Variants in ICA1L observed in about 807,000 individuals in gnomAD.
The protein encoded by ICA1L is islet cell autoantigen 1-like protein.
ICA1L carries 50 observed loss-of-function variants against 61.3 expected under a neutral mutation model. The observed-to-expected ratio is 0.82, with a 90% CI of 0.65 to 1.03. The LOEUF (loss-of-function observed/expected upper bound fraction) is 1.03. ICA1L is among the 50% of genes least tolerant of loss of function. The pLI is 0.00. For missense variants in ICA1L, 508 were observed against 556.7 expected, an observed-to-expected ratio of 0.91 and a Z score of 0.88; for synonymous variants, 161 against 191.3, an observed-to-expected ratio of 0.84 and a Z score of 1.31.
intron 1 of ICA1L, among the ~76,000 whole-genome samples, chr2:202,863,532 G>A (rs1694976272): frequency 6.6e-6 from 1 of 151,474 alleles, no homozygotes; most frequent in Non-Finnish European, 1.5e-5. Flanking sequence ...AGCAATATTA[G>A]GAATAAAAAA....
intron 9 of ICA1L, among the ~76,000 whole-genome samples, chr2:202,801,173 A>G (rs1203265825): frequency 6.6e-6 from 1 of 152,188 alleles, no homozygotes; most frequent in Non-Finnish European, 1.5e-5. Flanking sequence ...CTATAGAAAT[A>G]GAGTTTGGGG....
chr2:202,817,624 G>C (rs1384280277), intron 5 of ICA1L, 81 bp from the exon 6 acceptor site: 2 of 617,594 alleles, frequency 3.2e-6, no homozygotes, highest in Admixed American at 4.1e-5. Flanking sequence ...ATAGTATACA[G>C]GTTCATAATA....
intron 10 of ICA1L, among the ~76,000 whole-genome samples, chr2:202,795,447 T>C (rs887091235): frequency 2.6e-5 from 4 of 151,998 alleles, no homozygotes; most frequent in South Asian, 2.1e-4. Flanking sequence ...AATACAAAAT[T>C]AGCCAGGCAT....
Position 202,778,892 on chromosome 2 carries a change from A to C in ICA1L, c.*641T>G, listed in dbSNP as rs1159156238. On this transcript the variant is annotated 3_prime_UTR_variant, in exon 13 of 13. Transcript: ENST00000358299. ...TCAAGATTTAATAATGGAATTAGGG[A>C]GTGTCCATTATTTTGTATGAATGAA... The C allele has an allele frequency of 6.6e-6, 1 of 152,622 alleles. No individual in the cohort carries two copies. Among genetic ancestry groups the C allele is most frequent in the Non-Finnish European group, 1.5e-5 (1 of 68,042 alleles). 9.5% of individuals were successfully genotyped at this position (152,622 alleles called of 1,614,324 possible). A position where few individuals can be genotyped will look rare whatever the true frequency, so the allele number is the denominator to read the frequency against.
At position 202,793,432 on chromosome 2, in the gene ICA1L, G is replaced by A. The variant is rs149676778; in HGVS notation, c.985+3458C>T. Reference sequence around the variant, plus strand: ...AGCACTTTGGGAAGCTGAGGCGGGCGGATCATCTGAGGTCAGGAGTTCAAG... The same window carrying A: ...AGCACTTTGGGAAGCTGAGGCGGGCAGATCATCTGAGGTCAGGAGTTCAAG... On this transcript the variant is annotated intron_variant, in intron 10 of 12. Transcript: ENST00000358299. Among the ~76,000 whole-genome samples, 217 of 147,970 alleles carry A rather than the reference G, an allele frequency of 1.5e-3. 1 individual carries two copies. The highest frequency in any genetic ancestry group is 0.012 in the East Asian group (59 of 5,020).
intron 8 of ICA1L, among the ~76,000 whole-genome samples, chr2:202,813,477 A>G (rs1693438524): frequency 6.6e-6 from 1 of 152,182 alleles, no homozygotes; most frequent in Admixed American, 6.5e-5. Context: ...TATAAAGAAA[A>G]GAGGTTCATT....
chr2:202,790,309 T>A (rs1227656606), intron 10 of ICA1L, among the ~76,000 whole-genome samples: 2 of 152,224 alleles, frequency 1.3e-5, no homozygotes, highest in African/African-American at 2.4e-5. Context: ...TTGGTGAAAG[T>A]TATTTTTCAA....
intron 1 of ICA1L, chr2:202,840,788 T>C: frequency 3.3e-6 from 2 of 601,424 alleles, no homozygotes; most frequent in East Asian, 7.3e-5. Context: ...GATGGCAGCC[T>C]CCAGGGAAAC....
At chr2:202,825,377 G>T in intron 3 of ICA1L, 1 of 259,500 alleles carries the variant, frequency 3.9e-6, no homozygotes, top group Non-Finnish European at 6.7e-6. Flanking sequence ...GGCTGAGGTG[G>T]GAGGATCACT....
At chr2:202,796,484 A>T (rs1204559790) in intron 10 of ICA1L, among the ~76,000 whole-genome samples, 3 of 152,180 alleles carry the variant, frequency 2.0e-5, no homozygotes, top group Admixed American at 2.0e-4. Context: ...GGAAACCAGA[A>T]CGTTGGGGGC....
In ICA1L at chr2:202,799,106, ATATAT is replaced by A. The variant is rs1239593308; in HGVS notation, c.911-2147_911-2143del. 1.1e-4 allele frequency among the ~76,000 whole-genome samples: 16 copies of A among 152,298 alleles called. 1 individual carries two copies. The South Asian group carries it at 2.7e-3, about 26-fold the overall frequency. The stretch of plus-strand genomic sequence containing the variant: ...TCGTGCAAGTGCAGGTATCATTTTG[ATATAT>A]TAATTTATTTTTCTTTGGATAGATA... On this transcript the variant is annotated intron_variant, in intron 9 of 12. Transcript: ENST00000358299.
intron 3 of ICA1L, among the ~76,000 whole-genome samples, chr2:202,822,997 G>A (rs1461137423): frequency 6.6e-6 from 1 of 152,178 alleles, no homozygotes; most frequent in East Asian, 1.9e-4. Context: ...ATTTGAATCA[G>A]AACTTCATAA....
chr2:202,806,945 C>G (rs966710117), intron 9 of ICA1L, among the ~76,000 whole-genome samples: 3 of 152,072 alleles, frequency 2.0e-5, no homozygotes, highest in African/African-American at 7.2e-5. Flanking sequence ...TTAAAGATAA[C>G]ACAAATTTCA....
At chr2:202,809,202 A>G (rs968696251) in intron 9 of ICA1L, among the ~76,000 whole-genome samples, 1 of 152,040 alleles carries the variant, frequency 6.6e-6, no homozygotes, top group African/African-American at 2.4e-5. Context: ...AGGTTAAAAT[A>G]ACTTTTAAAA....
At chr2:202,792,768 C>T (rs1692792826) in intron 10 of ICA1L, among the ~76,000 whole-genome samples, 1 of 152,046 alleles carries the variant, frequency 6.6e-6, no homozygotes, top group South Asian at 2.1e-4. Context: ...CGCGCCACTG[C>T]ACTCCAGCCT....
chr2:202,828,860 A>AT lies in ICA1L; in HGVS notation c.149dup (p.Asp50GlufsTer3). ...TCCTCAAATTTACCTCAAGTTTAGC[A>AT]TCCAGTTCAGCATCAGACGCCACCA... On this transcript the variant is annotated frameshift_variant, in exon 2 of 13. Coordinates refer to ENST00000358299, the MANE Select transcript of ICA1L (RefSeq NM_001288622.3). LOFTEE classifies it high-confidence loss of function. The AT allele has an allele frequency of 6.2e-7, 1 of 1,613,918 alleles. No homozygotes were observed. The highest frequency in any genetic ancestry group is 8.5e-7 in the Non-Finnish European group (1 of 1,179,852).
chr2:202,820,978 C>T (rs181815697), intron 4 of ICA1L, among the ~76,000 whole-genome samples: 33 of 152,172 alleles, frequency 2.2e-4, no homozygotes, highest in African/African-American at 7.7e-4. Flanking sequence ...AAAAGTACCA[C>T]TATATTTATA....
intron 4 of ICA1L, among the ~76,000 whole-genome samples, chr2:202,821,106 TAAAA>T (rs1226186223): frequency 6.6e-6 from 1 of 152,124 alleles, no homozygotes; most frequent in Non-Finnish European, 1.5e-5. Context: ...TTAGGGGAAA[TAAAA>T]GAAATATAAA....
At chr2:202,868,792 C>A (rs891242606) in intron 1 of ICA1L, among the ~76,000 whole-genome samples, 1 of 151,566 alleles carries the variant, frequency 6.6e-6, no homozygotes, top group East Asian at 1.9e-4. Flanking sequence ...TATGGTAAAA[C>A]CCCCATCTCT....
Sources: allele counts gnomAD v4.1 joint callset (sites outside exome capture counted in the v4.1 genomes callset), GRCh38; gene constraint gnomAD v4.1.1; transcripts MANE v1.5; gene names NCBI Gene and HGNC (gene_info 2026-07-23, HGNC 2026-07-21).